WDR3: variants seen among roughly 807,000 people sequenced by gnomAD.
WDR3 encodes the protein WD repeat domain 3.
Under a neutral mutation model 123.7 loss-of-function variants are expected in WDR3, and 81 were observed. That is an observed-to-expected ratio of 0.65 (90% CI 0.55 to 0.79). The LOEUF (loss-of-function observed/expected upper bound fraction) is 0.79. Among genes scored for constraint, WDR3 ranks in the 30% least tolerant of loss-of-function variants. The pLI, the probability that WDR3 is intolerant of heterozygous loss-of-function variation, is 0.00. For missense variants in WDR3, 1,027 were observed against 1,123.2 expected, an observed-to-expected ratio of 0.91 and a Z score of 1.22; for synonymous variants, 390 against 388.8, an observed-to-expected ratio of 1.00 and a Z score of -0.04.
In WDR3 at chr1:117,941,233, C is replaced by T. The variant is rs780154570; in HGVS notation, c.891+8C>T. 6.2e-7 allele frequency: 1 copy of T among 1,613,174 alleles called. No homozygotes were observed. The highest frequency in any genetic ancestry group is 8.5e-7 in the Non-Finnish European group (1 of 1,179,314). ...AGGATTCTTGCTTGCCATGTGAGTACCATACTTAGGAGAAAATAACAAGGA... is the reference window on the plus strand; with the variant it reads ...AGGATTCTTGCTTGCCATGTGAGTATCATACTTAGGAGAAAATAACAAGGA... On this transcript the variant is annotated splice_region_variant and intron_variant, in intron 8 of 26. Transcript: ENST00000349139.
At position 117,952,249 on chromosome 1, in the gene WDR3, T is replaced by C. The variant is rs113479516; in HGVS notation, c.1905-48T>C. The C allele has an allele frequency of 1.1e-3, 1,706 of 1,555,340 alleles. 15 individuals are homozygous for C. The African/African-American group carries it at 0.02, about 19-fold the overall frequency. ...CTATTTATGTGTGTAAAACTCTTTT[T>C]ACTAACCTGGAATTTGATGACATTT... is the stretch of plus-strand genomic sequence containing the variant. On this transcript the variant is annotated intron_variant, in intron 17 of 26. Coordinates refer to ENST00000349139, the MANE Select transcript of WDR3 (RefSeq NM_006784.3).
At chr1:117,954,177 TA>T in intron 22 of WDR3, 78 bp downstream of exon 22, 1 of 1,232,844 alleles carries the variant, frequency 8.1e-7, no homozygotes, top group Non-Finnish European at 1.2e-6. Context: ...TGGGATTTAT[TA>T]ACTAAGATCA....
chr1:117,934,210 C>T (rs1369965286), intron 2 of WDR3, among the ~76,000 whole-genome samples: 1 of 152,064 alleles, frequency 6.6e-6, no homozygotes, highest in Non-Finnish European at 1.5e-5. Context: ...TATTTTATTG[C>T]CTAGGGAGTT....
At position 117,959,524 on chromosome 1, in the gene WDR3, G is replaced by A. The variant is rs1230772144; in HGVS notation, c.*77G>A. The A allele has an allele frequency of 1.5e-5, 21 of 1,397,416 alleles. No homozygotes were observed. Among genetic ancestry groups the A allele is most frequent in the South Asian group, 9.6e-5 (6 of 62,320 alleles). 86.6% of individuals were successfully genotyped at this position (1,397,416 alleles called of 1,614,324 possible). ...CTAAACTAAGCACAGAAGAGTTGGC[G>A]TCATCTTAAAAATACCAAATAACAG... On this transcript the variant is annotated 3_prime_UTR_variant, in exon 27 of 27. Transcript: ENST00000349139.
chr1:117,953,599 A>G (rs1029761595), intron 21 of WDR3, 58 bp downstream of exon 21: 6 of 1,571,888 alleles, frequency 3.8e-6, no homozygotes, highest in Non-Finnish European at 5.2e-6. Context: ...CTTTTTAGTA[A>G]AAGTTTTATT....
chr1:117,955,325 A>G lies in WDR3; in HGVS notation c.2420A>G (p.Tyr807Cys), dbSNP rs1188209187. ...ATCCTTCCTTTATAGCCTTCAGCTTATGTATTAGAGATTTTTAAAGGGATC... is the reference window on the plus strand; with the variant it reads ...ATCCTTCCTTTATAGCCTTCAGCTTGTGTATTAGAGATTTTTAAAGGGATC... ...MAYGSISPSA[Y>C]VLEIFKGIKS... is the part of the protein sequence containing the mutation. Residue 807 changes from tyrosine (Y) to cysteine (C), a missense_variant, in exon 24 of 27, where the codon TAT becomes TGT. By Grantham distance (194) the Tyr-to-Cys change is radical. Transcript: ENST00000349139. The G allele has an allele frequency of 6.2e-7, 1 of 1,612,294 alleles. No homozygotes were observed. Among genetic ancestry groups the G allele is most frequent in the Admixed American group, 1.7e-5 (1 of 59,850 alleles).
chr1:117,933,557 G>T (rs1231303284), intron 2 of WDR3, 67 bp downstream of exon 2: 4 of 1,585,566 alleles, frequency 2.5e-6, no homozygotes, highest in Non-Finnish European at 3.4e-6. Context: ...TAGTAGAAGT[G>T]GGGGGGCTCT....
rs747120457 is a variant in WDR3 at position 117,938,559 on chromosome 1, G to GT, written c.579+2dup. ...AACAATGGTTGGCCACCGGACTGAG[G>GT]TAAGTGTAGGGTCATGGGCCCAGGG... On this transcript the variant is annotated splice_donor_variant, in intron 5 of 26. Transcript: ENST00000349139. LOFTEE classifies it high-confidence loss of function. The GT allele has an allele frequency of 1.7e-5, 27 of 1,613,006 alleles. No individual in the cohort carries two copies. The highest frequency in any genetic ancestry group is 2.2e-5 in the Non-Finnish European group (26 of 1,179,166).
intron 3 of WDR3, among the ~76,000 whole-genome samples, chr1:117,934,900 G>A (rs926126099): frequency 1.2e-4 from 18 of 152,154 alleles, no homozygotes; most frequent in African/African-American, 4.3e-4. Context: ...CTTAAGTGTA[G>A]GAATAAGATG....
In WDR3 at chr1:117,960,055, T is replaced by G. The variant is rs1173793675; in HGVS notation, c.*608T>G. The G allele has an allele frequency of 6.6e-6, 1 of 151,898 alleles. No individual in the cohort carries two copies. Among genetic ancestry groups the G allele is most frequent in the East Asian group, 1.9e-4 (1 of 5,170 alleles). 9.4% of individuals were successfully genotyped at this position (151,898 alleles called of 1,614,324 possible). A position where few individuals can be genotyped will look rare whatever the true frequency, so the allele number is the denominator to read the frequency against. On this transcript the variant is annotated 3_prime_UTR_variant, in exon 27 of 27. Coordinates refer to ENST00000349139, the MANE Select transcript of WDR3 (RefSeq NM_006784.3). ...TCTGAATAAAATAGTTGTTTCTAAT[T>G]AAAAAGTAGCCAAGCTAAGATGCCT...
Position 117,964,969 on chromosome 1 carries a change from T to C in WDR3, c.*5522T>C, listed in dbSNP as rs906967861. 1 of 152,232 alleles carries C rather than the reference T, an allele frequency of 6.6e-6. No homozygotes were observed. Among genetic ancestry groups the C allele is most frequent in the African/African-American group, 2.4e-5 (1 of 41,468 alleles). The allele number at this position is 152,232 out of a possible 1,614,324, so 9.4% of individuals were successfully genotyped here. ...CTTCTACTCATTCATATTTTTAATA[T>C]ATATCTTCTGCTCCACTCTCTTCAG... On this transcript the variant is annotated 3_prime_UTR_variant, in exon 27 of 27. Transcript: ENST00000349139.
At chr1:117,959,079 C>T in intron 26 of WDR3, 76 bp downstream of exon 26, 2 of 1,461,872 alleles carry the variant, frequency 1.4e-6, no homozygotes, top group Non-Finnish European at 1.9e-6. Context: ...GTATGCTGTG[C>T]TTTGTCTTTA....
At position 117,953,148 on chromosome 1, in the gene WDR3, C is replaced by T. The variant is rs371349774; in HGVS notation, c.2202+152C>T. On this transcript the variant is annotated intron_variant, in intron 20 of 26. Coordinates refer to ENST00000349139, the MANE Select transcript of WDR3 (RefSeq NM_006784.3). ...ATAAAGAATCTGTGTAATTCTTTCT[C>T]TTCAACTGTATATCCTAATTTTGTG... 23 of 1,012,454 alleles carry T rather than the reference C, an allele frequency of 2.3e-5. No individual in the cohort carries two copies. In the African/African-American group the frequency reaches 3.3e-4, roughly 14 times the overall value. The allele number at this position is 1,012,454 out of a possible 1,614,324, so 62.7% of individuals were successfully genotyped here. A position where few individuals can be genotyped will look rare whatever the true frequency, so the allele number is the denominator to read the frequency against.
At position 117,959,012 on chromosome 1, in the gene WDR3, C is replaced by T. The variant is rs1652642635; in HGVS notation, c.2676+9C>T. On this transcript the variant is annotated intron_variant, in intron 26 of 26. Coordinates refer to ENST00000349139, the MANE Select transcript of WDR3 (RefSeq NM_006784.3). ...AAGTCAGCCAAGTCCGGGTAAGTGTCTTTGTATAGAGATAAAATAATGAGG... is the reference window on the plus strand; with the variant it reads ...AAGTCAGCCAAGTCCGGGTAAGTGTTTTTGTATAGAGATAAAATAATGAGG... 3.1e-6 allele frequency: 5 copies of T among 1,612,372 alleles called. No homozygotes were observed. In the East Asian group the frequency reaches 1.1e-4, roughly 36 times the overall value.
chr1:117,934,616 T>G lies in WDR3; in HGVS notation c.315T>G (p.Gly105=). The G allele has an allele frequency of 6.2e-7, 1 of 1,614,098 alleles. No homozygotes were observed. The highest frequency in any genetic ancestry group is 8.5e-7 in the Non-Finnish European group (1 of 1,180,008). Residue 105 remains glycine, a synonymous_variant, in exon 3 of 27, where the codon GGT becomes GGG. Transcript: ENST00000349139. ...LSGEGNVTFN[G]HKAAITTLKY... ...GGGAAGGAAATGTGACCTTCAATGG[T>G]CACAAAGCAGCTATCACTACCTTGA...
intron 12 of WDR3, among the ~76,000 whole-genome samples, chr1:117,947,349 A>G (rs1378314354): frequency 6.6e-6 from 1 of 152,216 alleles, no homozygotes; most frequent in Non-Finnish European, 1.5e-5. Context: ...ACAAAGCCAT[A>G]TGTACATGAG....
At chr1:117,937,287 T>C (rs1185374456) in intron 4 of WDR3, among the ~76,000 whole-genome samples, 1 of 152,174 alleles carries the variant, frequency 6.6e-6, no homozygotes, top group Non-Finnish European at 1.5e-5. Context: ...TTCATAGGCC[T>C]TCTGAACACC....
intron 24 of WDR3, among the ~76,000 whole-genome samples, chr1:117,956,225 C>T (rs1652172573): frequency 6.6e-6 from 1 of 151,970 alleles, no homozygotes; most frequent in African/African-American, 2.4e-5. Context: ...GTCTGTAATC[C>T]CAACATTTTG....
At chr1:117,943,698 G>T in intron 11 of WDR3, 72 bp downstream of exon 11, 4 of 1,368,140 alleles carry the variant, frequency 2.9e-6, no homozygotes, top group Non-Finnish European at 2.0e-6. Flanking sequence ...ACTCTTAAGG[G>T]TTAGTTATTA....
Sources: allele counts gnomAD v4.1 joint callset (sites outside exome capture counted in the v4.1 genomes callset), GRCh38; gene constraint gnomAD v4.1.1; transcripts MANE v1.5; gene names NCBI Gene and HGNC (gene_info 2026-07-23, HGNC 2026-07-21).